Variants in YWHAQ observed in about 807,000 individuals in gnomAD.
YWHAQ encodes tyrosine 3-monooxygenase/tryptophan 5-monooxygenase activation protein theta, also known as 14-3-3 protein theta.
YWHAQ carries 6 observed loss-of-function variants against 28.3 expected under a neutral mutation model. The ratio of observed to expected loss-of-function variants is 0.21; its 90% CI spans 0.12 to 0.42. The LOEUF is 0.42. YWHAQ is among the 10% of genes least tolerant of loss of function. The pLI is 1.00. For synonymous variants in YWHAQ, 143 were observed against 119.1 expected (o/e 1.20, Z -1.31); for missense variants, 201 against 305.6 (o/e 0.66, Z 2.55).
chr2:9,620,431 A>G (rs1667120857), intron 2 of YWHAQ, among the ~76,000 whole-genome samples: 2 of 152,230 alleles, frequency 1.3e-5, no homozygotes, highest in Admixed American at 1.3e-4. Context: ...TACTTTGACC[A>G]ATGCTGGTTA....
At chr2:9,615,119 T>C (rs1414291545) in intron 2 of YWHAQ, 1 of 152,184 alleles carries the variant, frequency 6.6e-6, no homozygotes, top group Non-Finnish European at 1.5e-5. Context: ...CATAATTTAC[T>C]TTGCTAGCAG....
At chr2:9,595,838 G>A (rs182903447) in intron 2 of YWHAQ, among the ~76,000 whole-genome samples, 1 of 152,226 alleles carries the variant, frequency 6.6e-6, no homozygotes, top group East Asian at 1.9e-4. Flanking sequence ...TATCTTGGGA[G>A]TTTTGGTGGG....
intron 2 of YWHAQ, among the ~76,000 whole-genome samples, chr2:9,627,384 T>C (rs933840423): frequency 2.0e-5 from 3 of 152,256 alleles, no homozygotes; most frequent in African/African-American, 7.2e-5. Flanking sequence ...GAAAACCCTA[T>C]GTTAGCACGC....
At chr2:9,602,957 A>G (rs1666746228) in intron 2 of YWHAQ, among the ~76,000 whole-genome samples, 1 of 138,398 alleles carries the variant, frequency 7.2e-6, no homozygotes, top group African/African-American at 2.6e-5. Flanking sequence ...TTCTGGCCTC[A>G]AGTGATCCTC....
intron 2 of YWHAQ, among the ~76,000 whole-genome samples, chr2:9,622,007 A>G (rs1667150006): frequency 6.6e-6 from 1 of 152,096 alleles, no homozygotes. Flanking sequence ...GGACACAAGG[A>G]GGGGAACATC....
chr2:9,625,033 C>G (rs1667222194), intron 2 of YWHAQ, among the ~76,000 whole-genome samples: 1 of 152,024 alleles, frequency 6.6e-6, no homozygotes, highest in Admixed American at 6.5e-5. Context: ...CGTGAGCCAC[C>G]ATGCCCAGCC....
chr2:9,614,024 C>G (rs1666999421), intron 2 of YWHAQ, among the ~76,000 whole-genome samples: 1 of 152,168 alleles, frequency 6.6e-6, no homozygotes, highest in Non-Finnish European at 1.5e-5. Flanking sequence ...TCCAATGCAG[C>G]CTAACCAATT....
chr2:9,607,738 G>A (rs1436361782), intron 2 of YWHAQ, among the ~76,000 whole-genome samples: 5 of 135,952 alleles, frequency 3.7e-5, no homozygotes, highest in Non-Finnish European at 7.7e-5. Context: ...TTGAGACAGA[G>A]TCTCAGTCTG....
chr2:9,603,062 T>C (rs1160533162), intron 2 of YWHAQ, among the ~76,000 whole-genome samples: 1 of 150,694 alleles, frequency 6.6e-6, no homozygotes, highest in African/African-American at 2.4e-5. Context: ...TCCTAAGGTA[T>C]AAGGAACAAA....
intron 3 of YWHAQ, 56 bp from the exon 4 acceptor site, chr2:9,588,384 G>A: frequency 1.9e-6 from 3 of 1,555,590 alleles, no homozygotes; most frequent in Non-Finnish European, 2.6e-6. Context: ...CCAGTACACA[G>A]TACATTAACA....
chr2:9,607,117 G>A (rs1364581969), intron 2 of YWHAQ, among the ~76,000 whole-genome samples: 1 of 151,878 alleles, frequency 6.6e-6, no homozygotes, highest in African/African-American at 2.4e-5. Flanking sequence ...CTCCTGACCT[G>A]TGATCCGCCC....
intron 2 of YWHAQ, among the ~76,000 whole-genome samples, chr2:9,599,289 G>A (rs1216296771): frequency 6.6e-6 from 1 of 152,154 alleles, no homozygotes; most frequent in African/African-American, 2.4e-5. Context: ...ACAAGCTGAA[G>A]GTACAAGTGC....
At chr2:9,602,724 G>A (rs1666717157) in intron 2 of YWHAQ, among the ~76,000 whole-genome samples, 1 of 148,508 alleles carries the variant, frequency 6.7e-6, no homozygotes, top group South Asian at 2.1e-4. Flanking sequence ...GGAGAGACAG[G>A]GTCTCATCAT....
chr2:9,599,805 C>G (rs572945593), intron 2 of YWHAQ, among the ~76,000 whole-genome samples: 2 of 152,320 alleles, frequency 1.3e-5, no homozygotes, highest in African/African-American at 4.8e-5. Flanking sequence ...AACATCCATT[C>G]TGCAGCCCAT....
intron 2 of YWHAQ, among the ~76,000 whole-genome samples, chr2:9,624,208 A>C (rs1321403522): frequency 6.6e-6 from 1 of 152,224 alleles, no homozygotes; most frequent in Admixed American, 6.5e-5. Context: ...GTGAGCCCAG[A>C]TGGCGCAACT....
chr2:9,585,432 G>T, intron 5 of YWHAQ, 87 bp from the exon 6 acceptor site: 3 of 1,416,290 alleles, frequency 2.1e-6, no homozygotes, highest in South Asian at 1.2e-5. Flanking sequence ...TTAACTACAA[G>T]AGTAGTAAAT....
At chr2:9,586,752 C>T (rs764861483) in intron 5 of YWHAQ, among the ~76,000 whole-genome samples, 6 of 152,096 alleles carry the variant, frequency 3.9e-5, no homozygotes, top group Admixed American at 6.5e-5. Flanking sequence ...GCTGGGAGGA[C>T]GAGATCTATA....
At chr2:9,615,507 G>C (rs1448331056) in intron 2 of YWHAQ, 1 of 152,110 alleles carries the variant, frequency 6.6e-6, no homozygotes, top group Non-Finnish European at 1.5e-5. Flanking sequence ...GGAACAATGA[G>C]TGAGAAAAGA....
chr2:9,628,836 T>G (rs1439834443), intron 2 of YWHAQ: 1 of 152,222 alleles, frequency 6.6e-6, no homozygotes, highest in African/African-American at 2.4e-5. Context: ...CTTCATAAAG[T>G]AAATAATCTT....
Sources: allele counts gnomAD v4.1 joint callset (sites outside exome capture counted in the v4.1 genomes callset), GRCh38; gene constraint gnomAD v4.1.1; transcripts MANE v1.5; gene names NCBI Gene and HGNC (gene_info 2026-07-23, HGNC 2026-07-21).